Variants in SATB2 observed in about 807,000 individuals in gnomAD.
SATB2 encodes the protein SATB homeobox 2.
Under a neutral mutation model 73.4 loss-of-function variants are expected in SATB2, and 1 was observed. That is an observed-to-expected ratio of 0.01 (90% CI 0.00 to 0.06). The LOEUF is 0.06. SATB2 is among the 10% of genes least tolerant of loss of function. SATB2 has a pLI of 1.00. For synonymous variants in SATB2, 397 were observed against 367.0 expected, an observed-to-expected ratio of 1.08 and a Z score of -0.93; for missense variants, 459 against 945.8, an observed-to-expected ratio of 0.49 and a Z score of 6.75.
intron 9 of SATB2, among the ~76,000 whole-genome samples, chr2:199,320,363 T>A (rs1020480440): frequency 2.6e-4 from 40 of 152,112 alleles, no homozygotes; most frequent in African/African-American, 9.7e-4. Context: ...TTTAAAACAC[T>A]AAACTGGTCC....
intron 7 of SATB2, among the ~76,000 whole-genome samples, chr2:199,344,707 T>C (rs930255434): frequency 6.6e-6 from 1 of 152,200 alleles, no homozygotes; most frequent in African/African-American, 2.4e-5. Flanking sequence ...ATTGGTATCA[T>C]CACCAGTTCA....
intron 5 of SATB2, among the ~76,000 whole-genome samples, chr2:199,376,683 T>C (rs993246778): frequency 6.6e-6 from 1 of 152,184 alleles, no homozygotes; most frequent in African/African-American, 2.4e-5. Flanking sequence ...GCCTCTGTTA[T>C]TGTGGACAGT....
intron 3 of SATB2, among the ~76,000 whole-genome samples, chr2:199,414,739 G>A (rs1162603166): frequency 4.6e-5 from 7 of 152,070 alleles, no homozygotes; most frequent in South Asian, 2.1e-4. Context: ...CTTTCCTTTC[G>A]AAGCACCATG....
chr2:199,415,092 C>T (rs1690935100), intron 3 of SATB2, among the ~76,000 whole-genome samples: 1 of 152,174 alleles, frequency 6.6e-6, no homozygotes, highest in African/African-American at 2.4e-5. Context: ...ACCTAAAACA[C>T]AAAACAACAT....
chr2:199,467,522 G>A (rs536611942), upstream of SATB2: 1 of 152,398 alleles, frequency 6.6e-6, no homozygotes, highest in East Asian at 1.9e-4. Context: ...TCTGACTTCA[G>A]GCATTCAATG....
At chr2:199,306,230 T>C (rs1473998226) in intron 10 of SATB2, among the ~76,000 whole-genome samples, 1 of 152,210 alleles carries the variant, frequency 6.6e-6, no homozygotes, top group Admixed American at 6.5e-5. Context: ...AGTTCTGCTG[T>C]CTAGTGTCAG....
At chr2:199,306,586 GCTTA>G (rs1687439561) in intron 10 of SATB2, among the ~76,000 whole-genome samples, 3 of 152,158 alleles carry the variant, frequency 2.0e-5, no homozygotes, top group Admixed American at 2.0e-4. Context: ...ACAGATTCAT[GCTTA>G]GCCATTAAAT....
rs576361770 is a variant in SATB2 at position 199,270,806 on chromosome 2, G to A, written c.*1405C>T. 4.7e-4 allele frequency: 71 copies of A among 152,470 alleles called. No homozygotes were observed. The highest frequency in any genetic ancestry group is 3.4e-3 in the Middle Eastern group (1 of 294). The allele number at this position is 152,470 out of a possible 1,614,324, so 9.4% of individuals were successfully genotyped here. A position where few individuals can be genotyped will look rare whatever the true frequency, so the allele number is the denominator to read the frequency against. On this transcript the variant is annotated 3_prime_UTR_variant, in exon 11 of 11. Coordinates refer to ENST00000417098, the MANE Select transcript of SATB2 (RefSeq NM_001172509.2). ...TAATGTTTTCTTTTAGGATGAGTAA[G>A]TGATTCTACTGAAATCGCTTCACAT...
chr2:199,425,117 T>C (rs1244545984), intron 3 of SATB2, among the ~76,000 whole-genome samples: 1 of 152,238 alleles, frequency 6.6e-6, no homozygotes, highest in Non-Finnish European at 1.5e-5. Context: ...ATATATATCA[T>C]ATCAGAGTAC....
intron 10 of SATB2, among the ~76,000 whole-genome samples, chr2:199,282,123 C>T (rs570753414): frequency 6.9e-4 from 105 of 152,156 alleles, no homozygotes; most frequent in African/African-American, 2.3e-3. Context: ...CCTCGTGATC[C>T]GCCCACCTTG....
intron 10 of SATB2, among the ~76,000 whole-genome samples, chr2:199,297,937 A>G (rs1687161486): frequency 6.6e-6 from 1 of 152,306 alleles, no homozygotes; most frequent in South Asian, 2.1e-4. Flanking sequence ...ACTTTTAAAA[A>G]AAGCTTAAAA....
chr2:199,370,946 CAAAA>C (rs67348909), intron 5 of SATB2, among the ~76,000 whole-genome samples: 24 of 69,566 alleles, frequency 3.4e-4, no homozygotes, highest in African/African-American at 1.1e-3. Flanking sequence ...ATGAACTGAG[CAAAA>C]AAAAAAAAAA....
rs186344724 is a variant in SATB2, at chr2:199,332,012, T to C, written c.1174-3102A>G. ...ATTATGCAGCCTGGGATACAGAAAATGTGGCGCGGCACCTGGGCACTGAAA... is the reference window on the plus strand; with the variant it reads ...ATTATGCAGCCTGGGATACAGAAAACGTGGCGCGGCACCTGGGCACTGAAA... On this transcript the variant is annotated intron_variant, in intron 7 of 10. Coordinates refer to ENST00000417098, the MANE Select transcript of SATB2 (RefSeq NM_001172509.2). Among the ~76,000 whole-genome samples, 72 of 152,192 alleles carry C rather than the reference T, an allele frequency of 4.7e-4. No individual in the cohort carries two copies. The East Asian group carries it at 0.013, about 27-fold the overall frequency.
At chr2:199,412,881 C>G (rs1006227938) in intron 3 of SATB2, among the ~76,000 whole-genome samples, 1 of 152,102 alleles carries the variant, frequency 6.6e-6, no homozygotes, top group African/African-American at 2.4e-5. Flanking sequence ...AACTATTTAT[C>G]AGGAAAGGAG....
chr2:199,455,177 T>A lies in SATB2; in HGVS notation c.169+692A>T, dbSNP rs1692237553. Among the ~76,000 whole-genome samples the A allele has an allele frequency of 6.6e-6, 1 of 152,248 alleles. No homozygotes were observed. Among genetic ancestry groups the A allele is most frequent in the Non-Finnish European group, 1.5e-5 (1 of 68,040 alleles). On this transcript the variant is annotated intron_variant, in intron 2 of 10. Coordinates refer to ENST00000417098, the MANE Select transcript of SATB2 (RefSeq NM_001172509.2). The surrounding 1 kb of genome is among the most constrained non-coding windows in gnomAD (Gnocchi z 4.1). ...AAGTAGTAAAAACTACAAAAGATTTTCTTTAAATAAAATTATTAATAAATT... is the reference window on the plus strand; with the variant it reads ...AAGTAGTAAAAACTACAAAAGATTTACTTTAAATAAAATTATTAATAAATT...
intron 5 of SATB2, among the ~76,000 whole-genome samples, chr2:199,374,556 A>G (rs983763827): frequency 2.2e-4 from 34 of 152,198 alleles, no homozygotes; most frequent in African/African-American, 7.7e-4. Context: ...TTAGAATGGC[A>G]AACTTCATGT....
intron 2 of SATB2, among the ~76,000 whole-genome samples, chr2:199,435,313 T>C (rs1574627086): frequency 6.6e-6 from 1 of 152,134 alleles, no homozygotes; most frequent in Admixed American, 6.5e-5. Flanking sequence ...TTCCCAAATA[T>C]ATATAGGACA....
intron 8 of SATB2, among the ~76,000 whole-genome samples, chr2:199,326,856 A>T (rs781371531): frequency 3.3e-5 from 5 of 152,230 alleles, no homozygotes; most frequent in Admixed American, 2.0e-4. Context: ...AGTAACTAAA[A>T]CTCATAATTC....
At chr2:199,320,499 T>C (rs956803372) in intron 9 of SATB2, among the ~76,000 whole-genome samples, 1 of 152,112 alleles carries the variant, frequency 6.6e-6, no homozygotes, top group African/African-American at 2.4e-5. Context: ...AGATACCTAA[T>C]GGAAGTGGAT....
Sources: allele counts gnomAD v4.1 joint callset (sites outside exome capture counted in the v4.1 genomes callset), GRCh38; gene constraint gnomAD v4.1.1; non-coding constraint Gnocchi (gnomAD v3.1); transcripts MANE v1.5; gene names NCBI Gene and HGNC (gene_info 2026-07-23, HGNC 2026-07-21).